Variants in GREB1L observed in about 807,000 individuals in gnomAD.
GREB1L encodes GREB1-like protein.
A neutral mutation model predicts 200.8 loss-of-function variants in GREB1L; 17 were observed. The ratio of observed to expected loss-of-function variants is 0.08; its 90% CI spans 0.06 to 0.13. GREB1L has a LOEUF of 0.13. GREB1L is among the 10% of genes least tolerant of loss of function. The probability of loss-of-function intolerance (pLI) is 1.00; values close to 1 mark genes in which losing one functional copy is unlikely to be tolerated. For synonymous variants in GREB1L, 789 were observed against 893.0 expected (o/e 0.88, Z 2.08); for missense variants, 1,657 against 2,367.7 (o/e 0.70, Z 6.23).
At chr18:21,377,124 A>G (rs1332967755) in intron 2 of GREB1L, among the ~76,000 whole-genome samples, 3 of 152,132 alleles carry the variant, frequency 2.0e-5, no homozygotes, top group Non-Finnish European at 2.9e-5. Flanking sequence ...ACAAACCACC[A>G]CAACATTGTG....
intron 7 of GREB1L, among the ~76,000 whole-genome samples, chr18:21,405,227 C>T (rs1212842895): frequency 3.9e-5 from 6 of 152,092 alleles, no homozygotes; most frequent in Non-Finnish European, 8.8e-5. Context: ...ACTAGGTATT[C>T]AAGAAAGAAA....
At chr18:21,385,957 G>A (rs1171816620) in intron 4 of GREB1L, among the ~76,000 whole-genome samples, 2 of 152,176 alleles carry the variant, frequency 1.3e-5, no homozygotes, top group African/African-American at 4.8e-5. Context: ...AAGCAGGTAT[G>A]GAGAGCTGTT....
intron 5 of GREB1L, among the ~76,000 whole-genome samples, chr18:21,399,200 A>T (rs2041206459): frequency 6.6e-6 from 1 of 152,148 alleles, no homozygotes; most frequent in African/African-American, 2.4e-5. Context: ...ATGTTTTGGC[A>T]CTGTTCTTGA....
intron 1 of GREB1L, chr18:21,317,361 G>A (rs2038887196): frequency 6.6e-6 from 1 of 152,024 alleles, no homozygotes. Flanking sequence ...AGCACTTTGG[G>A]AGACAAAGGT....
At chr18:21,299,811 A>G (rs891255835) in intron 1 of GREB1L, among the ~76,000 whole-genome samples, 12 of 152,172 alleles carry the variant, frequency 7.9e-5, no homozygotes, top group Admixed American at 6.5e-4. Flanking sequence ...ATATTTTGAA[A>G]CTTGGGACTA....
At chr18:21,435,469 G>T (rs535778967) in intron 7 of GREB1L, among the ~76,000 whole-genome samples, 1 of 152,308 alleles carries the variant, frequency 6.6e-6, no homozygotes, top group East Asian at 1.9e-4. Flanking sequence ...ATATGGCAAT[G>T]TACAGAAGAA....
rs1032320299 is a variant in GREB1L, at chr18:21,399,027, T to A, written c.533-2123T>A. On this transcript the variant is annotated intron_variant, in intron 5 of 32. Transcript: ENST00000424526. Reference sequence around the variant, plus strand: ...TGTTAACTCATCATTAATGTGAAGATTCTCTCCTTTGCAGATTATTCAGAC... The same window carrying A: ...TGTTAACTCATCATTAATGTGAAGAATCTCTCCTTTGCAGATTATTCAGAC... Among the ~76,000 whole-genome samples, 5 of 152,324 alleles carry A rather than the reference T, an allele frequency of 3.3e-5. No homozygotes were observed. The South Asian group carries it at 6.2e-4, about 19-fold the overall frequency.
chr18:21,400,083 A>C (rs2041254828), intron 5 of GREB1L, among the ~76,000 whole-genome samples: 1 of 151,892 alleles, frequency 6.6e-6, no homozygotes, highest in Non-Finnish European at 1.5e-5. Context: ...TTCTTATTAC[A>C]ACTTTTTTTT....
At chr18:21,439,468 G>A (rs2033767513) in intron 7 of GREB1L, 53 bp from the exon 8 acceptor site, 1 of 1,059,392 alleles carries the variant, frequency 9.4e-7, no homozygotes, top group South Asian at 1.4e-5. Flanking sequence ...ATCCCAGAAA[G>A]CAGTGCCCCG....
chr18:21,322,699 CTAATTA>C (rs1263501915), intron 1 of GREB1L, among the ~76,000 whole-genome samples: 1 of 151,860 alleles, frequency 6.6e-6, no homozygotes, highest in African/African-American at 2.4e-5. Context: ...TAACAGTGAA[CTAATTA>C]TAATAGACTC....
At chr18:21,257,071 A>G (rs1018166252) in intron 1 of GREB1L, among the ~76,000 whole-genome samples, 1 of 151,798 alleles carries the variant, frequency 6.6e-6, no homozygotes. Context: ...GACTTGTTGA[A>G]TTTGAATGAC....
chr18:21,520,300 G>A (rs1289835264), intron 31 of GREB1L, among the ~76,000 whole-genome samples: 2 of 152,014 alleles, frequency 1.3e-5, no homozygotes, highest in Non-Finnish European at 2.9e-5. Context: ...ATGGAAAGCT[G>A]ATCAAAAATA....
At chr18:21,273,504 A>T (rs1168752889) in intron 1 of GREB1L, among the ~76,000 whole-genome samples, 1 of 152,196 alleles carries the variant, frequency 6.6e-6, no homozygotes, top group Non-Finnish European at 1.5e-5. Context: ...TCATTAATTC[A>T]ACCAACATTC....
At chr18:21,289,796 A>G in intron 1 of GREB1L, among the ~76,000 whole-genome samples, 1 of 152,072 alleles carries the variant, frequency 6.6e-6, no homozygotes, top group East Asian at 1.9e-4. Flanking sequence ...ATATTTGTCC[A>G]TGGGTGATTT....
intron 2 of GREB1L, among the ~76,000 whole-genome samples, chr18:21,375,393 C>T (rs1051913019): frequency 5.9e-5 from 9 of 151,950 alleles, no homozygotes; most frequent in African/African-American, 1.7e-4. Context: ...TAGAGCGGTA[C>T]GGTTATTTTG....
At chr18:21,244,182 A>G (rs1271257762) in intron 1 of GREB1L, among the ~76,000 whole-genome samples, 1 of 151,916 alleles carries the variant, frequency 6.6e-6, no homozygotes, top group East Asian at 1.9e-4. Context: ...TATTAAACTA[A>G]TATCTCCTCC....
At chr18:21,384,493 A>G in intron 4 of GREB1L, 90 bp downstream of exon 4, 2 of 996,546 alleles carry the variant, frequency 2.0e-6, no homozygotes, top group Non-Finnish European at 1.5e-6. Context: ...TCAAGGCTGG[A>G]AACTAGTAAT....
intron 5 of GREB1L, among the ~76,000 whole-genome samples, chr18:21,397,131 C>T (rs291795): frequency 0.56 from 85,083 of 151,874 alleles, 26,548 homozygotes; most frequent in African/African-American, 0.85. Context: ...TAAATTATAG[C>T]TTAAAGACTT....
intron 1 of GREB1L, among the ~76,000 whole-genome samples, chr18:21,245,734 T>C (rs902737894): frequency 5.3e-5 from 8 of 151,888 alleles, no homozygotes; most frequent in Non-Finnish European, 7.4e-5. Flanking sequence ...TTTGTTTTGT[T>C]TGAGACGAAG....
Sources: allele counts gnomAD v4.1 joint callset (sites outside exome capture counted in the v4.1 genomes callset), GRCh38; gene constraint gnomAD v4.1.1; transcripts MANE v1.5; gene names NCBI Gene and HGNC (gene_info 2026-07-23, HGNC 2026-07-21).